The following MALT1 variants were observed in gnomAD, a reference collection of about 807,000 sequenced individuals.
MALT1 encodes MALT1 paracaspase.
MALT1 carries 36 observed loss-of-function variants against 85.5 expected under a neutral mutation model. The observed-to-expected ratio is 0.42, with a 90% confidence interval of 0.32 to 0.56. The LOEUF (loss-of-function observed/expected upper bound fraction) is 0.56. Among genes scored for constraint, MALT1 ranks in the 20% least tolerant of loss-of-function variants. MALT1 has a pLI of 0.10. For missense variants in MALT1, 716 were observed against 981.6 expected (o/e 0.73, Z 3.62); for synonymous variants, 359 against 361.3 (o/e 0.99, Z 0.07).
intron 5 of MALT1, 62 bp from the exon 6 acceptor site, chr18:58,709,914 A>AT (rs2144388602): frequency 1.8e-6 from 2 of 1,094,312 alleles, no homozygotes; most frequent in Non-Finnish European, 2.7e-6. Flanking sequence ...ACACAAAATG[A>AT]TTTTTTCTCC....
At chr18:58,683,166 A>G (rs1293242810) in intron 2 of MALT1, among the ~76,000 whole-genome samples, 2 of 152,176 alleles carry the variant, frequency 1.3e-5, no homozygotes, top group Non-Finnish European at 2.9e-5. Context: ...TCATACTGTT[A>G]AAGTCCAAGT....
At chr18:58,738,856 T>C (rs886814346) in intron 13 of MALT1, among the ~76,000 whole-genome samples, 8 of 152,178 alleles carry the variant, frequency 5.3e-5, no homozygotes, top group East Asian at 1.9e-4. Context: ...GTTCTTGATA[T>C]AATACTAGCG....
chr18:58,744,079 T>C (rs1226674920), intron 14 of MALT1, among the ~76,000 whole-genome samples: 1 of 143,584 alleles, frequency 7.0e-6, no homozygotes, highest in Non-Finnish European at 1.5e-5. Context: ...CAGTGAAAAT[T>C]TATCTACAAT....
rs754269003 is a variant in MALT1, at chr18:58,750,525, A to G, written c.*2683A>G. 1 of 152,248 alleles carries G rather than the reference A, an allele frequency of 6.6e-6. No homozygotes were observed. Among genetic ancestry groups the G allele is most frequent in the African/African-American group, 2.4e-5 (1 of 41,462 alleles). The allele number at this position is 152,248 out of a possible 1,614,324, so 9.4% of individuals were successfully genotyped here. On this transcript the variant is annotated 3_prime_UTR_variant, in exon 17 of 17. Transcript: ENST00000649217. ...AGCTACAATAAGACAGTGTAGGCATATGGATAGACATATCGATCAGAGGAA... is the reference window on the plus strand; with the variant it reads ...AGCTACAATAAGACAGTGTAGGCATGTGGATAGACATATCGATCAGAGGAA...
At chr18:58,681,417 C>A in intron 2 of MALT1, 81 bp downstream of exon 2, 1 of 1,350,578 alleles carries the variant, frequency 7.4e-7, no homozygotes, top group Non-Finnish European at 1.0e-6. Flanking sequence ...ACCAGGTGAA[C>A]TGTGTTAAGT....
Position 58,701,226 on chromosome 18 carries a change from GC to G in MALT1, c.649+637del, listed in dbSNP as rs148559961. Among the ~76,000 whole-genome samples, 1,090 of 152,142 alleles carry G rather than the reference GC, an allele frequency of 7.2e-3. 15 individuals are homozygous for G. Among genetic ancestry groups the G allele is most frequent in the African/African-American group, 0.025 (1,039 of 41,492 alleles). On this transcript the variant is annotated intron_variant, in intron 4 of 16. Transcript: ENST00000649217. Reference sequence around the variant, plus strand: ...CGCTGCCACTGACCTCTTCAAGTTTGCCTTCCTTCATGTTCCATTACTCTGC... The same window carrying G: ...CGCTGCCACTGACCTCTTCAAGTTTGCTTCCTTCATGTTCCATTACTCTGC...
rs921445048 is a variant in MALT1, at chr18:58,733,527, AAAAG to A, written c.1357_1360del (p.Glu453LeufsTer27). 6.2e-7 allele frequency: 1 copy of A among 1,612,046 alleles called. No individual in the cohort carries two copies. The highest frequency in any genetic ancestry group is 1.3e-5 in the African/African-American group (1 of 74,884). ...AAAATATACTGAAATTGATGCAAGA[AAAAG>A]AAACTGGACTTAATGTGTTCTTATT... On this transcript the variant is annotated frameshift_variant, in exon 11 of 17. Transcript: ENST00000649217. LOFTEE classifies it high-confidence loss of function.
At chr18:58,692,607 A>G (rs1039290467) in intron 2 of MALT1, among the ~76,000 whole-genome samples, 1 of 152,148 alleles carries the variant, frequency 6.6e-6, no homozygotes, top group African/African-American at 2.4e-5. Flanking sequence ...ACACACAACA[A>G]TATTGAAATT....
chr18:58,685,514 AG>A (rs2054389062), intron 2 of MALT1, among the ~76,000 whole-genome samples: 1 of 152,226 alleles, frequency 6.6e-6, no homozygotes, highest in African/African-American at 2.4e-5. Flanking sequence ...TAGCTAGAGC[AG>A]TATCCATGCA....
At chr18:58,692,567 G>A (rs1018805192) in intron 2 of MALT1, among the ~76,000 whole-genome samples, 2 of 151,056 alleles carry the variant, frequency 1.3e-5, no homozygotes, top group South Asian at 2.1e-4. Flanking sequence ...CCCTACAATC[G>A]TCTCTAAGTG....
At chr18:58,709,257 T>G in intron 4 of MALT1, 121 bp from the exon 5 acceptor site, 2 of 626,288 alleles carry the variant, frequency 3.2e-6, no homozygotes, top group Non-Finnish European at 5.1e-6. Flanking sequence ...TTTTAAACAG[T>G]TTGGGAAATG....
intron 2 of MALT1, chr18:58,690,898 C>T: frequency 4.4e-6 from 1 of 228,326 alleles, no homozygotes; most frequent in Non-Finnish European, 9.1e-6. Flanking sequence ...GTCTCTGGCA[C>T]TGTACTGAGT....
At position 58,674,648 on chromosome 18, in the gene MALT1, G is replaced by A. The variant is rs73961667; in HGVS notation, c.209+2796G>A. Among the ~76,000 whole-genome samples, 318 of 152,282 alleles carry A rather than the reference G, an allele frequency of 2.1e-3. 1 individual carries two copies. The highest frequency in any genetic ancestry group is 7.4e-3 in the African/African-American group (306 of 41,560). On this transcript the variant is annotated intron_variant, in intron 1 of 16. Transcript: ENST00000649217. ...TGCTTACTCTATTTAAGACAAAAAA[G>A]TTATTGTAAAGTGATTTCATGCTGT...
At chr18:58,732,871 T>G (rs1156285513) in intron 10 of MALT1, among the ~76,000 whole-genome samples, 5 of 152,126 alleles carry the variant, frequency 3.3e-5, no homozygotes, top group African/African-American at 1.2e-4. Flanking sequence ...GATATTGTCT[T>G]GAAATGCAAA....
chr18:58,739,848 C>G (rs536388655), intron 13 of MALT1, among the ~76,000 whole-genome samples: 1 of 152,132 alleles, frequency 6.6e-6, no homozygotes, highest in Non-Finnish European at 1.5e-5. Flanking sequence ...TGTACACATG[C>G]GCCCATCTTG....
rs753977115 is a variant in MALT1 at position 58,710,034 on chromosome 18, G to A, written c.887G>A (p.Arg296Gln). 2.5e-5 allele frequency: 40 copies of A among 1,612,238 alleles called. No individual in the cohort carries two copies. The highest frequency in any genetic ancestry group is 3.0e-5 in the Non-Finnish European group (35 of 1,178,944). ...TACTGGTGTCATGTATATAATGATCGAGACAGTCAAGATAGCAAGAAGGTA... is the reference window on the plus strand; with the variant it reads ...TACTGGTGTCATGTATATAATGATCAAGACAGTCAAGATAGCAAGAAGGTA... ...GTYWCHVYNDRDSQDSKKVEI... is the reference protein window; with the variant it reads ...GTYWCHVYNDQDSQDSKKVEI... Residue 296 changes from arginine to glutamine, a missense_variant, in exon 6 of 17, where the codon CGA becomes CAA. Around this residue, in one of 4 missense-constraint regions of MALT1, gnomAD observed 290 missense variants for 380.5 expected, o/e 0.76. Transcript: ENST00000649217.
intron 6 of MALT1, 59 bp downstream of exon 6, chr18:58,710,131 G>A: frequency 9.9e-7 from 1 of 1,005,976 alleles, no homozygotes; most frequent in South Asian, 1.5e-5. Flanking sequence ...TATATAAACT[G>A]CAACGTTTAA....
chr18:58,706,025 G>A (rs921360494), intron 4 of MALT1, among the ~76,000 whole-genome samples: 4 of 152,108 alleles, frequency 2.6e-5, no homozygotes, highest in African/African-American at 4.8e-5. Flanking sequence ...TCTCTCTGTC[G>A]CCCAGGCTGG....
chr18:58,746,218 C>G (rs995153836), intron 16 of MALT1, among the ~76,000 whole-genome samples: 1 of 152,120 alleles, frequency 6.6e-6, no homozygotes, highest in Non-Finnish European at 1.5e-5. Flanking sequence ...AGGGATCTCA[C>G]TATATTGCCC....
Sources: gnomAD v4.1 joint callset for allele counts (sites outside exome capture counted in the v4.1 genomes callset) on GRCh38, gnomAD v4.1.1 for gene constraint, gnomAD v4.1.1 regional missense constraint, MANE v1.5 for transcripts, NCBI Gene and HGNC (gene_info 2026-07-23, HGNC 2026-07-21) for gene names.